ANKIB1: variants seen among roughly 807,000 people sequenced by gnomAD.
ANKIB1 encodes the protein ankyrin repeat and IBR domain containing 1.
A neutral mutation model predicts 122.1 loss-of-function variants in ANKIB1; 43 were observed. The observed-to-expected ratio is 0.35, with a 90% CI of 0.28 to 0.45. The LOEUF (loss-of-function observed/expected upper bound fraction) is 0.45. ANKIB1 is among the 20% of genes least tolerant of loss of function. The probability of loss-of-function intolerance (pLI) is 1.00; values close to 1 mark genes in which losing one functional copy is unlikely to be tolerated. For synonymous variants in ANKIB1, 390 were observed against 442.0 expected (o/e 0.88, Z 1.48); for missense variants, 992 against 1,329.5 (o/e 0.75, Z 3.95).
At chr7:92,254,995 A>T (rs1269653080) in intron 1 of ANKIB1, among the ~76,000 whole-genome samples, 1 of 152,166 alleles carries the variant, frequency 6.6e-6, no homozygotes, top group African/African-American at 2.4e-5. Flanking sequence ...GGTTTTAAAA[A>T]GGGGAGTTTT....
intron 1 of ANKIB1, 123 bp downstream of exon 1, chr7:92,246,642 T>G: frequency 2.2e-6 from 1 of 452,824 alleles, no homozygotes; most frequent in Non-Finnish European, 4.4e-6. Context: ...GTCGCCTGTT[T>G]TGGAGCATTG....
chr7:92,314,829 A>G (rs1483608873), intron 3 of ANKIB1, among the ~76,000 whole-genome samples: 2 of 152,172 alleles, frequency 1.3e-5, no homozygotes, highest in Admixed American at 6.5e-5. Flanking sequence ...TTGAGTACCA[A>G]TGTATTAGAA....
chr7:92,397,947 A>G, intron 19 of ANKIB1, 88 bp downstream of exon 19: 1 of 1,471,646 alleles, frequency 6.8e-7, no homozygotes, highest in Non-Finnish European at 9.1e-7. Context: ...TCGCTTTCCT[A>G]TTTCTTCCTT....
Position 92,261,273 on chromosome 7 carries a change from C to T in ANKIB1, c.-91+14754C>T, listed in dbSNP as rs1336186934. 4.1e-5 allele frequency among the ~76,000 whole-genome samples: 6 copies of T among 147,284 alleles called. No homozygotes were observed. In the East Asian group the frequency reaches 6.0e-4, roughly 15 times the overall value. On this transcript the variant is annotated intron_variant, in intron 1 of 19. Transcript: ENST00000265742. ...CTGAGGCAGGAGAATGGCGTGAACC[C>T]GGGAGGCGGAGCTTGCAGTGAGCCG...
At chr7:92,376,438 TTTTTTTA>T (rs1804381729) in intron 11 of ANKIB1, among the ~76,000 whole-genome samples, 2 of 150,854 alleles carry the variant, frequency 1.3e-5, no homozygotes, top group Non-Finnish European at 3.0e-5. Flanking sequence ...CCTTGCACTT[TTTTTTTA>T]TTTTTTATTT....
Position 92,386,548 on chromosome 7 carries a change from A to G in ANKIB1, c.1657A>G (p.Lys553Glu). 2 of 1,606,110 alleles carry G rather than the reference A, an allele frequency of 1.2e-6. No homozygotes were observed. The highest frequency in any genetic ancestry group is 1.7e-6 in the Non-Finnish European group (2 of 1,176,422). ...TTGCTGGATTTGCCTTGAAGAGTGG[A>G]AAAAACATAGTTCGTCCACTGGAGG... is the stretch of plus-strand genomic sequence containing the variant. The part of the protein sequence containing the change: ...DFCWICLEEW[K>E]KHSSSTGGYY... Residue 553 changes from lysine to glutamate, a missense_variant, in exon 12 of 20, where the codon AAA (lysine) becomes GAA (glutamate). Lys to Glu is a moderately conservative substitution (Grantham distance 56, BLOSUM62 1). Coordinates refer to ENST00000265742, the MANE Select transcript of ANKIB1 (RefSeq NM_019004.2).
intron 5 of ANKIB1, among the ~76,000 whole-genome samples, chr7:92,328,702 T>C (rs368895651): frequency 6.6e-6 from 1 of 152,086 alleles, no homozygotes; most frequent in East Asian, 1.9e-4. Flanking sequence ...TAAATGGCTA[T>C]TCTATTCCAG....
intron 1 of ANKIB1, among the ~76,000 whole-genome samples, chr7:92,281,594 A>G (rs1462215243): frequency 2.0e-5 from 3 of 152,224 alleles, no homozygotes; most frequent in Non-Finnish European, 4.4e-5. Flanking sequence ...GACAATGGAG[A>G]AAAAAGGAGA....
At chr7:92,359,833 C>G (rs960572311) in intron 9 of ANKIB1, among the ~76,000 whole-genome samples, 2 of 152,202 alleles carry the variant, frequency 1.3e-5, no homozygotes, top group Non-Finnish European at 2.9e-5. Context: ...TAATAGCACA[C>G]TATAGCCTCG....
intron 1 of ANKIB1, among the ~76,000 whole-genome samples, chr7:92,284,199 C>T (rs1023222545): frequency 3.3e-5 from 5 of 152,090 alleles, no homozygotes; most frequent in South Asian, 4.1e-4. Flanking sequence ...TTTATAACAA[C>T]GCACAGAATA....
rs374764659 is a variant in ANKIB1 at position 92,298,923 on chromosome 7, G to A, written c.188+3757G>A. ...CATAAAGCATTTCTGCTACATACCA[G>A]AATACGACGATGGCTCTGAGGAAGC... On this transcript the variant is annotated intron_variant, in intron 2 of 19. Transcript: ENST00000265742. 3.2e-4 allele frequency among the ~76,000 whole-genome samples: 48 copies of A among 152,314 alleles called. 1 individual carries two copies. Among genetic ancestry groups the A allele is most frequent in the African/African-American group, 9.9e-4 (41 of 41,564 alleles).
At chr7:92,293,310 A>G (rs921273940) in intron 1 of ANKIB1, among the ~76,000 whole-genome samples, 1 of 152,150 alleles carries the variant, frequency 6.6e-6, no homozygotes, top group Non-Finnish European at 1.5e-5. Flanking sequence ...CACAAAGCCT[A>G]TGTCGAACAC....
At chr7:92,280,977 C>T (rs1802002301) in intron 1 of ANKIB1, among the ~76,000 whole-genome samples, 1 of 152,048 alleles carries the variant, frequency 6.6e-6, no homozygotes, top group African/African-American at 2.4e-5. Context: ...TCAGTGATTC[C>T]CTTAGAGAAC....
At chr7:92,254,846 C>T (rs929173775) in intron 1 of ANKIB1, among the ~76,000 whole-genome samples, 1 of 152,118 alleles carries the variant, frequency 6.6e-6, no homozygotes, top group African/African-American at 2.4e-5. Context: ...TATGGTTTGG[C>T]TATGTCCCCA....
At chr7:92,284,125 G>A (rs954151484) in intron 1 of ANKIB1, among the ~76,000 whole-genome samples, 1 of 152,122 alleles carries the variant, frequency 6.6e-6, no homozygotes, top group Non-Finnish European at 1.5e-5. Context: ...TATAATATTT[G>A]TGACATTTAA....
intron 1 of ANKIB1, among the ~76,000 whole-genome samples, chr7:92,287,879 C>CA (rs2131910123): frequency 6.6e-6 from 1 of 151,652 alleles, no homozygotes; most frequent in East Asian, 1.9e-4. Context: ...ACTAAAAATA[C>CA]AAAAAAATTA....
At chr7:92,387,657 GT>G in intron 12 of ANKIB1, 140 bp from the exon 13 acceptor site, 1 of 604,406 alleles carries the variant, frequency 1.7e-6, no homozygotes, top group Non-Finnish European at 2.9e-6. Flanking sequence ...AACAAGTATT[GT>G]TTTTCTGTCA....
intron 2 of ANKIB1, among the ~76,000 whole-genome samples, chr7:92,297,639 C>T (rs1802382648): frequency 6.6e-6 from 1 of 151,920 alleles, no homozygotes; most frequent in Non-Finnish European, 1.5e-5. Context: ...CTGCTCCTAA[C>T]ACTTAAAAGT....
In ANKIB1 at chr7:92,264,822, C is replaced by T. The variant is rs558493028; in HGVS notation, c.-91+18303C>T. Among the ~76,000 whole-genome samples the T allele has an allele frequency of 1.5e-4, 23 of 152,160 alleles. No homozygotes were observed. In the South Asian group the frequency reaches 3.3e-3, roughly 22 times the overall value. On this transcript the variant is annotated intron_variant, in intron 1 of 19. Transcript: ENST00000265742. ...GTCTCTGCCCTTAGCAAACTTATAACCTAGTAGAATAGACAAACACTAAAC... is the reference window on the plus strand; with the variant it reads ...GTCTCTGCCCTTAGCAAACTTATAATCTAGTAGAATAGACAAACACTAAAC...
Sources: gnomAD v4.1 joint callset for allele counts (sites outside exome capture counted in the v4.1 genomes callset) on GRCh38, gnomAD v4.1.1 for gene constraint, MANE v1.5 for transcripts, NCBI Gene and HGNC (gene_info 2026-07-23, HGNC 2026-07-21) for gene names.